The following NUBPL variants were observed in gnomAD, a reference collection of about 807,000 sequenced individuals.
NUBPL encodes iron-sulfur cluster transfer protein NUBPL.
Under a neutral mutation model 45.7 loss-of-function variants are expected in NUBPL, and 31 were observed. The ratio of observed to expected loss-of-function variants is 0.68; its 90% confidence interval spans 0.51 to 0.92. NUBPL has a LOEUF of 0.92. NUBPL is among the 40% of genes least tolerant of loss of function. NUBPL has a pLI of 0.00. For synonymous variants in NUBPL, 144 were observed against 140.9 expected, an observed-to-expected ratio of 1.02 and a Z score of -0.15; for missense variants, 401 against 398.7, an observed-to-expected ratio of 1.01 and a Z score of -0.05.
intron 6 of NUBPL, among the ~76,000 whole-genome samples, chr14:31,681,652 T>C (rs528584899): frequency 6.6e-6 from 1 of 151,240 alleles, no homozygotes; most frequent in Non-Finnish European, 1.5e-5. Flanking sequence ...TTGATTTAAA[T>C]TTTTTTTTAA....
chr14:31,780,509 T>C (rs1340453977), intron 6 of NUBPL, among the ~76,000 whole-genome samples: 2 of 152,202 alleles, frequency 1.3e-5, no homozygotes, highest in Non-Finnish European at 2.9e-5. Flanking sequence ...TATCAAATTA[T>C]TGCAAACTCT....
intron 4 of NUBPL, among the ~76,000 whole-genome samples, chr14:31,665,398 G>A (rs1253107662): frequency 6.6e-6 from 1 of 152,134 alleles, no homozygotes; most frequent in African/African-American, 2.4e-5. Context: ...CTTTAGTTGT[G>A]TCCCAGAGAT....
chr14:31,782,268 G>A (rs780509602), intron 6 of NUBPL, among the ~76,000 whole-genome samples: 4 of 152,078 alleles, frequency 2.6e-5, no homozygotes, highest in Non-Finnish European at 5.9e-5. Flanking sequence ...GGTGGTGGGT[G>A]CCTGAAATCT....
intron 6 of NUBPL, among the ~76,000 whole-genome samples, chr14:31,682,083 T>C (rs1171834354): frequency 1.3e-5 from 2 of 152,158 alleles, no homozygotes; most frequent in Admixed American, 6.5e-5. Flanking sequence ...GTAACTTTAT[T>C]GATTTGTCTA....
chr14:31,804,797 A>G (rs1370626763), intron 7 of NUBPL, among the ~76,000 whole-genome samples: 2 of 152,206 alleles, frequency 1.3e-5, no homozygotes, highest in Admixed American at 1.3e-4. Context: ...AAGATGGGTT[A>G]AAGACTTAAA....
At chr14:31,805,819 G>A (rs1334119432) in intron 7 of NUBPL, among the ~76,000 whole-genome samples, 1 of 144,564 alleles carries the variant, frequency 6.9e-6, no homozygotes, top group Non-Finnish European at 1.5e-5. Context: ...GGCTTAATAC[G>A]TGGGTGATGA....
chr14:31,579,229 T>C (rs1052217708), intron 3 of NUBPL, among the ~76,000 whole-genome samples: 2 of 152,204 alleles, frequency 1.3e-5, no homozygotes, highest in Non-Finnish European at 1.5e-5. Flanking sequence ...TTGGGCTATT[T>C]GGGGTGGCTT....
chr14:31,779,507 G>A (rs1379968572), intron 6 of NUBPL, among the ~76,000 whole-genome samples: 2 of 152,072 alleles, frequency 1.3e-5, no homozygotes, highest in Admixed American at 1.3e-4. Context: ...ACTGCTCTGA[G>A]ACAAGGGGTC....
At chr14:31,648,386 G>A (rs1046267457) in intron 4 of NUBPL, among the ~76,000 whole-genome samples, 1 of 152,316 alleles carries the variant, frequency 6.6e-6, no homozygotes, top group South Asian at 2.1e-4. Flanking sequence ...CCTGGAAGAA[G>A]CGCCTAGGTC....
chr14:31,708,399 T>G (rs1242531803), intron 6 of NUBPL, among the ~76,000 whole-genome samples: 1 of 152,204 alleles, frequency 6.6e-6, no homozygotes, highest in Admixed American at 6.5e-5. Context: ...GACTTCAGGG[T>G]TTATTCCCTC....
chr14:31,798,129 T>G (rs1178829876), intron 7 of NUBPL, among the ~76,000 whole-genome samples: 1 of 152,106 alleles, frequency 6.6e-6, no homozygotes, highest in Non-Finnish European at 1.5e-5. Flanking sequence ...TTGTGCCCCC[T>G]TATCTTTCTT....
intron 7 of NUBPL, among the ~76,000 whole-genome samples, chr14:31,807,630 G>T (rs909241901): frequency 2.0e-5 from 3 of 152,126 alleles, no homozygotes; most frequent in Admixed American, 1.3e-4. Flanking sequence ...AGTTTAATTA[G>T]ATCCCATTTG....
chr14:31,574,104 G>T (rs985908198), intron 3 of NUBPL, among the ~76,000 whole-genome samples: 1 of 152,170 alleles, frequency 6.6e-6, no homozygotes, highest in Non-Finnish European at 1.5e-5. Context: ...ATTTTTCACT[G>T]AGCAAATGAA....
intron 3 of NUBPL, among the ~76,000 whole-genome samples, chr14:31,583,474 T>C (rs1285744839): frequency 6.6e-6 from 1 of 152,204 alleles, no homozygotes; most frequent in Non-Finnish European, 1.5e-5. Flanking sequence ...ACATCTGTGA[T>C]AAGTGCCACA....
chr14:31,580,721 T>C (rs375649085), intron 3 of NUBPL, among the ~76,000 whole-genome samples: 2 of 152,180 alleles, frequency 1.3e-5, no homozygotes, highest in African/African-American at 2.4e-5. Flanking sequence ...TCTGAATGAA[T>C]TGAGTAATTG....
At chr14:31,698,825 A>G (rs2037270777) in intron 6 of NUBPL, among the ~76,000 whole-genome samples, 2 of 151,362 alleles carry the variant, frequency 1.3e-5, no homozygotes, top group Admixed American at 1.3e-4. Context: ...TGGAAAGTCC[A>G]CCAAAAGAAG....
intron 6 of NUBPL, among the ~76,000 whole-genome samples, chr14:31,711,949 G>C (rs533148927): frequency 6.6e-6 from 1 of 152,294 alleles, no homozygotes; most frequent in South Asian, 2.1e-4. Context: ...GGCTTCAGGA[G>C]TGAAGCTGAA....
chr14:31,751,242 C>T (rs2138688658), intron 6 of NUBPL, among the ~76,000 whole-genome samples: 1 of 152,352 alleles, frequency 6.6e-6, no homozygotes, highest in East Asian at 1.9e-4. Flanking sequence ...CATGCACTCC[C>T]AACAGTTCCC....
chr14:31,815,442 C>T (rs190624625), intron 7 of NUBPL, among the ~76,000 whole-genome samples: 5 of 152,216 alleles, frequency 3.3e-5, no homozygotes, highest in Non-Finnish European at 4.4e-5. Context: ...TGGGCTGAGA[C>T]GATGGGGTTT....
Sources: gnomAD v4.1 joint callset for allele counts (sites outside exome capture counted in the v4.1 genomes callset) on GRCh38, gnomAD v4.1.1 for gene constraint, MANE v1.5 for transcripts, NCBI Gene and HGNC (gene_info 2026-07-23, HGNC 2026-07-21) for gene names.